The following RTTN variants were observed in gnomAD, a reference collection of about 807,000 sequenced individuals.
RTTN encodes the protein rotatin.
Under a neutral mutation model 269.2 loss-of-function variants are expected in RTTN, and 182 were observed. The ratio of observed to expected loss-of-function variants is 0.68; its 90% CI spans 0.60 to 0.76. The LOEUF is 0.76. Among genes scored for constraint, RTTN ranks in the 30% least tolerant of loss-of-function variants. The pLI is 0.00. For missense variants in RTTN, 2,545 were observed against 2,608.6 expected (o/e 0.98, Z 0.53); for synonymous variants, 1,006 against 963.5 (o/e 1.04, Z -0.82).
At chr18:70,050,531 T>C (rs978380372) in intron 39 of RTTN, among the ~76,000 whole-genome samples, 5 of 152,222 alleles carry the variant, frequency 3.3e-5, no homozygotes, top group Admixed American at 2.0e-4. Flanking sequence ...CTCAAGCATC[T>C]AGAACCAGAA....
chr18:70,008,601 C>T (rs995301740), intron 46 of RTTN: 5 of 151,228 alleles, frequency 3.3e-5, no homozygotes, highest in African/African-American at 9.7e-5. Flanking sequence ...ATGAGAACTT[C>T]GTGAAGCATA....
chr18:70,200,965 C>T (rs749608882), intron 4 of RTTN, among the ~76,000 whole-genome samples: 9 of 152,074 alleles, frequency 5.9e-5, no homozygotes, highest in African/African-American at 1.2e-4. Flanking sequence ...GCAATGTTCA[C>T]GGCTATTATC....
chr18:70,194,701 G>T (rs1439581982), intron 7 of RTTN: 1 of 152,088 alleles, frequency 6.6e-6, no homozygotes, highest in Non-Finnish European at 1.5e-5. Context: ...AGACACAAAA[G>T]GACAAATACT....
At chr18:70,191,223 T>C (rs770512038) in intron 8 of RTTN, among the ~76,000 whole-genome samples, 1 of 151,132 alleles carries the variant, frequency 6.6e-6, no homozygotes, top group Admixed American at 6.6e-5. Context: ...AAATTGTAAA[T>C]GAAGCCAAAA....
At chr18:70,013,480 T>C (rs1297932441) in intron 46 of RTTN, among the ~76,000 whole-genome samples, 2 of 152,072 alleles carry the variant, frequency 1.3e-5, no homozygotes, top group African/African-American at 4.8e-5. Context: ...GGATCGACTT[T>C]TTTAACAAAA....
chr18:70,044,032 C>G (rs375611283), intron 40 of RTTN, among the ~76,000 whole-genome samples: 9 of 152,216 alleles, frequency 5.9e-5, no homozygotes, highest in African/African-American at 1.9e-4. Context: ...AACCAAAATT[C>G]ATTTAAATGT....
At chr18:70,124,073 C>T (rs1410612579) in intron 25 of RTTN, among the ~76,000 whole-genome samples, 2 of 148,860 alleles carry the variant, frequency 1.3e-5, no homozygotes, top group Non-Finnish European at 3.0e-5. Context: ...TAAAGTCTAT[C>T]TAAAAAAAAA....
intron 46 of RTTN, 50 bp from the exon 47 acceptor site, chr18:70,006,534 G>A: frequency 1.5e-6 from 2 of 1,367,702 alleles, no homozygotes; most frequent in Non-Finnish European, 2.1e-6. Flanking sequence ...ACACTGCATT[G>A]TATTCTTATC....
intron 43 of RTTN, among the ~76,000 whole-genome samples, chr18:70,026,103 C>G (rs1020490735): frequency 1.3e-5 from 2 of 152,216 alleles, no homozygotes; most frequent in African/African-American, 4.8e-5. Flanking sequence ...CCCTGCCTCA[C>G]ATTTAATCTT....
At chr18:70,134,594 T>C in intron 22 of RTTN, 53 bp from the exon 23 acceptor site, 2 of 1,298,516 alleles carry the variant, frequency 1.5e-6, no homozygotes, top group South Asian at 1.3e-5. Context: ...AGACCAAGTT[T>C]TGTCTAACAA....
At chr18:70,134,342 G>A (rs763923089) in intron 23 of RTTN, 131 bp downstream of exon 23, 84 of 692,950 alleles carry the variant, frequency 1.2e-4, no homozygotes, top group Admixed American at 2.2e-4. Flanking sequence ...GCACCATTGT[G>A]AAGGAACCAT....
chr18:70,039,430 A>G (rs1419504100), intron 40 of RTTN, among the ~76,000 whole-genome samples: 2 of 152,080 alleles, frequency 1.3e-5, no homozygotes, highest in East Asian at 3.8e-4. Flanking sequence ...AAAAACAACA[A>G]AAAAACTTTA....
chr18:70,031,176 G>A, intron 40 of RTTN, 195 bp from the exon 41 acceptor site: 17 of 534,896 alleles, frequency 3.2e-5, no homozygotes, highest in South Asian at 8.8e-5. Flanking sequence ...CTTATAATAT[G>A]GAAAAGAACA....
rs181938019 is a variant in RTTN at position 70,025,631 on chromosome 18, C to A, written c.5824-783G>T. Among the ~76,000 whole-genome samples, 17 of 152,328 alleles carry A rather than the reference C, an allele frequency of 1.1e-4. No homozygotes were observed. The East Asian group carries it at 1.9e-3, about 17-fold the overall frequency. ...CATTCCCAGTGCTCTCCCTAAAGTT[C>A]TTCCCTTGTTCACCACTCTCTGTGG... On this transcript the variant is annotated intron_variant, in intron 43 of 48. Coordinates refer to ENST00000640769, the MANE Select transcript of RTTN (RefSeq NM_173630.4).
At chr18:70,099,106 C>T (rs2059085135) in intron 28 of RTTN, among the ~76,000 whole-genome samples, 1 of 152,086 alleles carries the variant, frequency 6.6e-6, no homozygotes. Flanking sequence ...TGGGTATATA[C>T]CCAGTAATGG....
intron 43 of RTTN, among the ~76,000 whole-genome samples, chr18:70,027,727 G>A (rs2056894385): frequency 6.6e-6 from 1 of 152,088 alleles, no homozygotes. Context: ...TGGCACTTTT[G>A]TCTTGAGAAA....
chr18:70,184,714 T>TGTGTGTGTGTGTGTGTG (rs1195408237), intron 10 of RTTN, among the ~76,000 whole-genome samples: 1 of 53,476 alleles, frequency 1.9e-5, no homozygotes, highest in African/African-American at 5.0e-5. Flanking sequence ...TTTTTTTTTT[T>TGTGTGTGTGTGTGTGTG]TTTGTGTGTG....
chr18:70,083,122 T>C (rs1007932827), intron 32 of RTTN, among the ~76,000 whole-genome samples: 2 of 152,086 alleles, frequency 1.3e-5, no homozygotes, highest in Admixed American at 6.6e-5. Flanking sequence ...CAGCAGGAAC[T>C]GGGTTCTCAT....
intron 14 of RTTN, among the ~76,000 whole-genome samples, chr18:70,152,636 A>C (rs1197676989): frequency 6.6e-6 from 1 of 152,126 alleles, no homozygotes; most frequent in Non-Finnish European, 1.5e-5. Flanking sequence ...ACATCAATCC[A>C]ACTGCTAGAT....
Sources: gnomAD v4.1 joint callset for allele counts (sites outside exome capture counted in the v4.1 genomes callset) on GRCh38, gnomAD v4.1.1 for gene constraint, MANE v1.5 for transcripts, NCBI Gene and HGNC (gene_info 2026-07-23, HGNC 2026-07-21) for gene names.